The following NFIC variants were observed in gnomAD, a reference collection of about 807,000 sequenced individuals.
NFIC encodes nuclear factor I C.
A neutral mutation model predicts 54.4 loss-of-function variants in NFIC; 12 were observed. That is an observed-to-expected ratio of 0.22 (90% CI 0.14 to 0.36). The LOEUF is 0.36. Ranked by LOEUF, NFIC falls within the 10% of genes least tolerant of loss-of-function variation. The pLI is 1.00. For missense variants in NFIC, 575 were observed against 718.2 expected (o/e 0.80, Z 2.28); for synonymous variants, 322 against 319.2 (o/e 1.01, Z -0.09).
At chr19:3,436,309 ATTTTTTTT>A (rs71166903) in intron 6 of NFIC, among the ~76,000 whole-genome samples, 1,031 of 85,494 alleles carry the variant, frequency 0.012, 9 homozygotes, top group Non-Finnish European at 0.018. Flanking sequence ...TGCGCCGTTA[ATTTTTTTT>A]TTTTTTTTTT....
chr19:3,425,965 C>G (rs1241030356), intron 3 of NFIC, among the ~76,000 whole-genome samples: 1 of 106,258 alleles, frequency 9.4e-6, no homozygotes, highest in East Asian at 3.2e-4. Flanking sequence ...GATGGAGTAT[C>G]ACTCTGTCGC....
intron 2 of NFIC, among the ~76,000 whole-genome samples, chr19:3,389,861 G>A (rs1449422140): frequency 6.6e-6 from 1 of 152,188 alleles, no homozygotes; most frequent in East Asian, 1.9e-4. Context: ...GTGCATGCCT[G>A]TAATCCCAGC....
At position 3,462,872 on chromosome 19, in the gene NFIC, A is replaced by C. The variant is rs901431533; in HGVS notation, c.*103A>C. 6 of 1,602,888 alleles carry C rather than the reference A, an allele frequency of 3.7e-6. No individual in the cohort carries two copies. In the African/African-American group the frequency reaches 8.0e-5, roughly 21 times the overall value. On this transcript the variant is annotated 3_prime_UTR_variant, in exon 11 of 11. Coordinates refer to ENST00000443272, the MANE Select transcript of NFIC (RefSeq NM_001245002.2). ...TTTTCGGTGGAAAATTAGAGTGAAC[A>C]AGAACACCCCTGCCGACTCCCAGCC...
Position 3,383,474 on chromosome 19 carries a change from C to A in NFIC, c.562+1231C>A, listed in dbSNP as rs924112269. Among the ~76,000 whole-genome samples the A allele has an allele frequency of 5.3e-5, 8 of 152,308 alleles. No individual in the cohort carries two copies. The South Asian group carries it at 1.7e-3, about 32-fold the overall frequency. ...GCTAAGAGCAGGGTTGGTCCTGCAG[C>A]TTCTTGGCTGCGTGGCCCTCTTGGA... On this transcript the variant is annotated intron_variant, in intron 2 of 10. Transcript: ENST00000443272.
At position 3,453,651 on chromosome 19, in the gene NFIC, C is replaced by T; in HGVS notation, c.1270-112C>T. The T allele has an allele frequency of 7.0e-7, 1 of 1,421,178 alleles. No homozygotes were observed. The highest frequency in any genetic ancestry group is 9.3e-7 in the Non-Finnish European group (1 of 1,079,616). The allele number at this position is 1,421,178 out of a possible 1,614,324, so 88.0% of individuals were successfully genotyped here. ...CATGGTCACACCCGCGCCCTGGCCC[C>T]CCAGCCTGCCACCCCGTCCGGGCCG... On this transcript the variant is annotated intron_variant, in intron 8 of 10. Transcript: ENST00000443272. The surrounding 1 kb of genome is among the most constrained non-coding windows in gnomAD (Gnocchi z 6.7).
chr19:3,442,574 A>G (rs1321923814), intron 6 of NFIC, among the ~76,000 whole-genome samples: 1 of 151,802 alleles, frequency 6.6e-6, no homozygotes, highest in Non-Finnish European at 1.5e-5. Flanking sequence ...TTTAGTAGAG[A>G]TGGAGTTTCA....
upstream of NFIC, among the ~76,000 whole-genome samples, chr19:3,366,160 T>TTG (rs1264514303): frequency 2.0e-5 from 3 of 150,912 alleles, no homozygotes; most frequent in South Asian, 2.1e-4. Flanking sequence ...CTGTCCCCCC[T>TTG]CTCCGCTTGA....
chr19:3,413,005 G>A (rs929041870), intron 2 of NFIC, among the ~76,000 whole-genome samples: 3 of 152,218 alleles, frequency 2.0e-5, no homozygotes, highest in Admixed American at 2.0e-4. Context: ...GGGGCTGGAA[G>A]GGCCCAGCCT....
At chr19:3,361,239 A>C (rs763705766) in intron 1 of NFIC, among the ~76,000 whole-genome samples, 43 of 151,886 alleles carry the variant, frequency 2.8e-4, no homozygotes, top group Non-Finnish European at 5.7e-4. Flanking sequence ...CTGCCCCGAG[A>C]GGGGCGGGGC....
At position 3,386,386 on chromosome 19, in the gene NFIC, G is replaced by A. The variant is rs533688863; in HGVS notation, c.562+4143G>A. On this transcript the variant is annotated intron_variant, in intron 2 of 10. Transcript: ENST00000443272. ...CACCCAGGCTGGAGTGCAGTGGCGCGATCTTGGCTTACTGCAACCTCTACT... is the reference window on the plus strand; with the variant it reads ...CACCCAGGCTGGAGTGCAGTGGCGCAATCTTGGCTTACTGCAACCTCTACT... Among the ~76,000 whole-genome samples the A allele has an allele frequency of 5.0e-5, 7 of 140,460 alleles. No individual in the cohort carries two copies. In the South Asian group the frequency reaches 6.8e-4, roughly 14 times the overall value. The allele number at this position is 140,460 out of a possible 152,430, so 92.1% of individuals were successfully genotyped here. A position where few individuals can be genotyped will look rare whatever the true frequency, so the allele number is the denominator to read the frequency against.
At chr19:3,431,419 AGTGCAGTG>A (rs201817706) in intron 3 of NFIC, among the ~76,000 whole-genome samples, 2,251 of 121,256 alleles carry the variant, frequency 0.019, 72 homozygotes, top group African/African-American at 0.068. Flanking sequence ...CCGAGGCTGG[AGTGCAGTG>A]GTGCAATCAT....
rs377580938 is a variant in NFIC at position 3,462,853 on chromosome 19, G to A, written c.*84G>A. 3.4e-5 allele frequency: 54 copies of A among 1,608,110 alleles called. No homozygotes were observed. The highest frequency in any genetic ancestry group is 4.2e-5 in the Non-Finnish European group (49 of 1,178,532). On this transcript the variant is annotated 3_prime_UTR_variant, in exon 11 of 11. Coordinates refer to ENST00000443272, the MANE Select transcript of NFIC (RefSeq NM_001245002.2). Reference sequence around the variant, plus strand: ...AGCCGGCCCCCGGCCCACGTTTTCGGTGGAAAATTAGAGTGAACAAGAACA... The same window carrying A: ...AGCCGGCCCCCGGCCCACGTTTTCGATGGAAAATTAGAGTGAACAAGAACA...
upstream of NFIC, among the ~76,000 whole-genome samples, chr19:3,361,869 TC>T (rs1438755579): frequency 6.6e-6 from 1 of 151,514 alleles, no homozygotes; most frequent in Non-Finnish European, 1.5e-5. Context: ...CACACGACAC[TC>T]CCTCACGGTG....
chr19:3,406,858 A>T (rs1014906023), intron 2 of NFIC, among the ~76,000 whole-genome samples: 1 of 152,142 alleles, frequency 6.6e-6, no homozygotes, highest in African/African-American at 2.4e-5. Context: ...ATAAAGCGAG[A>T]GAGTGAGCCA....
chr19:3,382,833 G>A (rs184929943), intron 2 of NFIC, among the ~76,000 whole-genome samples: 53 of 152,180 alleles, frequency 3.5e-4, no homozygotes, highest in Admixed American at 2.4e-3. Context: ...TCTGAGGGAG[G>A]AGGCCAGTGC....
chr19:3,416,072 A>G (rs2081848979), intron 2 of NFIC, among the ~76,000 whole-genome samples: 1 of 151,742 alleles, frequency 6.6e-6, no homozygotes, highest in South Asian at 2.1e-4. Context: ...AGAAGGCAAG[A>G]GAATCACTTG....
intron 2 of NFIC, among the ~76,000 whole-genome samples, chr19:3,387,417 G>A (rs925051602): frequency 2.6e-5 from 4 of 152,156 alleles, no homozygotes; most frequent in African/African-American, 9.6e-5. Flanking sequence ...CAGGAGAATC[G>A]CTGGAACCCG....
At chr19:3,393,732 G>A (rs62128055) in intron 2 of NFIC, among the ~76,000 whole-genome samples, 11,847 of 144,994 alleles carry the variant, frequency 0.082, 616 homozygotes, top group South Asian at 0.13. Context: ...CAGGAGAATC[G>A]CTTAAACCCA....
At chr19:3,438,702 G>A (rs550228421) in intron 6 of NFIC, among the ~76,000 whole-genome samples, 1 of 151,954 alleles carries the variant, frequency 6.6e-6, no homozygotes, top group African/African-American at 2.4e-5. Context: ...CTCCCAAAGT[G>A]CTGGGATTAC....
Sources: allele counts gnomAD v4.1 joint callset (sites outside exome capture counted in the v4.1 genomes callset), GRCh38; gene constraint gnomAD v4.1.1; non-coding constraint Gnocchi (gnomAD v3.1); transcripts MANE v1.5; gene names NCBI Gene and HGNC (gene_info 2026-07-23, HGNC 2026-07-21).